Variants in MYRIP observed in about 807,000 individuals in gnomAD.
The protein encoded by MYRIP is myosin VIIA and Rab interacting protein.
MYRIP carries 49 observed loss-of-function variants against 98.0 expected under a neutral mutation model. The observed-to-expected ratio is 0.50, with a 90% CI of 0.40 to 0.63. The LOEUF (loss-of-function observed/expected upper bound fraction) is 0.63. MYRIP is among the 30% of genes least tolerant of loss of function. The pLI is 0.00. For synonymous variants in MYRIP, 404 were observed against 409.5 expected, an observed-to-expected ratio of 0.99 and a Z score of 0.16; for missense variants, 1,004 against 1,058.2, an observed-to-expected ratio of 0.95 and a Z score of 0.71.
chr3:39,963,157 C>T (rs1945365168), intron 2 of MYRIP, among the ~76,000 whole-genome samples: 1 of 152,020 alleles, frequency 6.6e-6, no homozygotes, highest in Non-Finnish European at 1.5e-5. Flanking sequence ...GACCCAGTAC[C>T]AGGGTATATG....
At position 40,233,849 on chromosome 3, in the gene MYRIP, G is replaced by C; in HGVS notation, c.1906-10G>C. On this transcript the variant is annotated splice_polypyrimidine_tract_variant and intron_variant, in intron 11 of 16. Transcript: ENST00000302541. The stretch of plus-strand genomic sequence containing the variant: ...TGTCTTCTGTCCCCTTCTGTTATCG[G>C]ACCAAACAGAAGTTTTCTGCTGTTT... 1 of 1,609,208 alleles carries C rather than the reference G, an allele frequency of 6.2e-7. No homozygotes were observed. Among genetic ancestry groups the C allele is most frequent in the South Asian group, 1.1e-5 (1 of 89,870 alleles).
intron 11 of MYRIP, among the ~76,000 whole-genome samples, chr3:40,217,458 G>C (rs1378105460): frequency 6.6e-6 from 1 of 152,054 alleles, no homozygotes; most frequent in Non-Finnish European, 1.5e-5. Context: ...ATATTTACAG[G>C]CTAAAGGAAG....
At chr3:40,091,169 G>C (rs1039615355) in intron 3 of MYRIP, among the ~76,000 whole-genome samples, 16 of 152,262 alleles carry the variant, frequency 1.1e-4, no homozygotes, top group African/African-American at 3.4e-4. Context: ...CACCTGTTCT[G>C]CTGGGATTAT....
chr3:40,074,077 CTTT>C (rs34272356), intron 3 of MYRIP, among the ~76,000 whole-genome samples: 5 of 144,056 alleles, frequency 3.5e-5, no homozygotes, highest in African/African-American at 5.1e-5. Context: ...TATTTAGAAA[CTTT>C]TTTTTTTTTT....
intron 4 of MYRIP, among the ~76,000 whole-genome samples, chr3:40,159,660 A>G (rs1225066967): frequency 6.6e-6 from 1 of 152,022 alleles, no homozygotes; most frequent in African/African-American, 2.4e-5. Context: ...GTCTTTTCAC[A>G]TAGTCCCATA....
At chr3:40,084,722 A>G (rs62261788) in intron 3 of MYRIP, among the ~76,000 whole-genome samples, 1,875 of 137,016 alleles carry the variant, frequency 0.014, 161 homozygotes, top group African/African-American at 0.049. Flanking sequence ...GTATCTATGT[A>G]TTACATGTCG....
At chr3:40,205,418 C>G (rs969129803) in intron 10 of MYRIP, among the ~76,000 whole-genome samples, 1 of 152,098 alleles carries the variant, frequency 6.6e-6, no homozygotes, top group Non-Finnish European at 1.5e-5. Flanking sequence ...AATGAGGACA[C>G]AAGGGAATGC....
chr3:40,150,818 T>C (rs973905641), intron 3 of MYRIP, among the ~76,000 whole-genome samples: 2 of 152,214 alleles, frequency 1.3e-5, no homozygotes, highest in Admixed American at 6.5e-5. Flanking sequence ...ACTCACGTGA[T>C]AAAGGTTGTG....
chr3:40,028,980 T>C (rs1947197390), intron 2 of MYRIP, among the ~76,000 whole-genome samples: 1 of 152,196 alleles, frequency 6.6e-6, no homozygotes, highest in Admixed American at 6.5e-5. Context: ...AAAATGCCAT[T>C]GGAATTTGCA....
chr3:39,913,503 A>G (rs1172490487), intron 2 of MYRIP, among the ~76,000 whole-genome samples: 2 of 152,228 alleles, frequency 1.3e-5, no homozygotes. Flanking sequence ...ACAAGATACT[A>G]TCAGAATTAA....
intron 1 of MYRIP, among the ~76,000 whole-genome samples, chr3:39,826,094 T>C (rs1941254333): frequency 2.6e-5 from 4 of 151,726 alleles, no homozygotes. Flanking sequence ...GCTAATAGTT[T>C]GTCAATTTTG....
intron 1 of MYRIP, among the ~76,000 whole-genome samples, chr3:39,876,205 T>G (rs1942989693): frequency 6.6e-6 from 1 of 152,214 alleles, no homozygotes. Flanking sequence ...TAGATCTTCT[T>G]CCATCGTTTT....
intron 3 of MYRIP, among the ~76,000 whole-genome samples, chr3:40,096,168 A>G (rs938477523): frequency 4.0e-5 from 6 of 151,868 alleles, no homozygotes; most frequent in Admixed American, 3.9e-4. Context: ...TATACCCGAG[A>G]TGGCAGTCAA....
At chr3:39,982,223 T>A (rs1282602169) in intron 2 of MYRIP, among the ~76,000 whole-genome samples, 1 of 152,182 alleles carries the variant, frequency 6.6e-6, no homozygotes, top group Non-Finnish European at 1.5e-5. Flanking sequence ...GGTAAGTTTA[T>A]CCAAGTCAAC....
intron 11 of MYRIP, among the ~76,000 whole-genome samples, chr3:40,218,611 T>TA (rs1952207506): frequency 9.2e-4 from 1 of 1,086 alleles, no homozygotes; most frequent in African/African-American, 2.3e-3. Flanking sequence ...ATATATATAT[T>TA]TTATATATAT....
At chr3:40,136,724 A>G (rs1165627337) in intron 3 of MYRIP, among the ~76,000 whole-genome samples, 1 of 152,250 alleles carries the variant, frequency 6.6e-6, no homozygotes, top group African/African-American at 2.4e-5. Flanking sequence ...CTCAGGATTA[A>G]GAAACTCACG....
intron 2 of MYRIP, among the ~76,000 whole-genome samples, chr3:39,919,721 T>A (rs373953689): frequency 0.26 from 37,506 of 145,294 alleles, 5,070 homozygotes; most frequent in Middle Eastern, 0.37. Flanking sequence ...TGTGTGTGTG[T>A]GTGTGTGAGA....
chr3:39,888,930 G>A (rs1257993045), intron 1 of MYRIP, among the ~76,000 whole-genome samples: 1 of 152,124 alleles, frequency 6.6e-6, no homozygotes, highest in African/African-American at 2.4e-5. Flanking sequence ...ATGAAAAAAT[G>A]CTCACCATCA....
chr3:40,120,076 C>T (rs1575553315), intron 3 of MYRIP, among the ~76,000 whole-genome samples: 2 of 152,144 alleles, frequency 1.3e-5, no homozygotes, highest in African/African-American at 2.4e-5. Flanking sequence ...CAATGGCAGG[C>T]TTGTCATAGG....
Sources: allele counts gnomAD v4.1 joint callset (sites outside exome capture counted in the v4.1 genomes callset), GRCh38; gene constraint gnomAD v4.1.1; transcripts MANE v1.5; gene names NCBI Gene and HGNC (gene_info 2026-07-23, HGNC 2026-07-21).